The following DIP2C variants were observed in gnomAD, a reference collection of about 807,000 sequenced individuals.
The protein encoded by DIP2C is disco-interacting protein 2 homolog C.
Under a neutral mutation model 192.4 loss-of-function variants are expected in DIP2C, and 33 were observed. The observed-to-expected ratio is 0.17, with a 90% CI of 0.13 to 0.23. The LOEUF is 0.23. DIP2C is among the 10% of genes least tolerant of loss of function. DIP2C has a pLI of 1.00. For missense variants in DIP2C, 1,537 were observed against 2,110.1 expected (o/e 0.73, Z 5.32); for synonymous variants, 979 against 864.1 (o/e 1.13, Z -2.33).
intron 32 of DIP2C, among the ~76,000 whole-genome samples, chr10:297,689 G>C (rs995374391): frequency 6.6e-6 from 1 of 152,206 alleles, no homozygotes; most frequent in Non-Finnish European, 1.5e-5. Context: ...GATGGGGAGA[G>C]ATTTGTTAAA....
chr10:661,734 C>T (rs904908326), intron 1 of DIP2C, among the ~76,000 whole-genome samples: 1 of 152,194 alleles, frequency 6.6e-6, no homozygotes, highest in African/African-American at 2.4e-5. Flanking sequence ...GCTCCTTGAC[C>T]TGCACTTCTA....
At chr10:625,934 A>C (rs1288256442) in intron 1 of DIP2C, among the ~76,000 whole-genome samples, 3 of 152,252 alleles carry the variant, frequency 2.0e-5, no homozygotes, top group Non-Finnish European at 4.4e-5. Context: ...AAATTTCACC[A>C]AATGTTGTGT....
At chr10:387,849 A>G in intron 13 of DIP2C, 40 bp from the exon 14 acceptor site, 1 of 1,605,948 alleles carries the variant, frequency 6.2e-7, no homozygotes, top group Non-Finnish European at 8.5e-7. Context: ...TACTTAGGAC[A>G]GGGCGGCAAC....
chr10:384,403 A>C lies in DIP2C; in HGVS notation c.1756+143T>G. The stretch of plus-strand genomic sequence containing the variant: ...TAGGCATGCGCCATCAGGCCTGGCT[A>C]ATTTTTGTATTATTAGTAGAAACGG... On this transcript the variant is annotated intron_variant, in intron 15 of 36. Transcript: ENST00000280886. 3 of 914,618 alleles carry C rather than the reference A, an allele frequency of 3.3e-6. 1 individual carries two copies. In the South Asian group the frequency reaches 5.0e-5, roughly 15 times the overall value. The allele number at this position is 914,618 out of a possible 1,614,324, so 56.7% of individuals were successfully genotyped here.
At chr10:350,567 G>C (rs576770822) in intron 24 of DIP2C, among the ~76,000 whole-genome samples, 36 of 151,254 alleles carry the variant, frequency 2.4e-4, no homozygotes, top group Admixed American at 1.5e-3. Context: ...TGGGCAACTG[G>C]ACTGCAGTCC....
intron 4 of DIP2C, among the ~76,000 whole-genome samples, chr10:428,404 A>G (rs1389346094): frequency 6.6e-6 from 1 of 152,178 alleles, no homozygotes; most frequent in Non-Finnish European, 1.5e-5. Flanking sequence ...GTGTTTATAA[A>G]GGAGATTTTC....
At chr10:385,303 G>T (rs926511223) in intron 14 of DIP2C, among the ~76,000 whole-genome samples, 2 of 152,168 alleles carry the variant, frequency 1.3e-5, no homozygotes, top group African/African-American at 4.8e-5. Context: ...GGGTCTGGGT[G>T]TAATCCTTTA....
chr10:544,169 G>A (rs1300564887), intron 1 of DIP2C, among the ~76,000 whole-genome samples: 7 of 151,102 alleles, frequency 4.6e-5, no homozygotes, highest in Non-Finnish European at 1.0e-4. Context: ...CTTTGGTGCC[G>A]GCATCTTTCC....
intron 1 of DIP2C, among the ~76,000 whole-genome samples, chr10:608,114 C>CCCCAA (rs1852638990): frequency 7.8e-6 from 1 of 128,918 alleles, no homozygotes; most frequent in African/African-American, 3.6e-5. Flanking sequence ...AACACACACA[C>CCCCAA]CACACACACA....
intron 32 of DIP2C, among the ~76,000 whole-genome samples, chr10:292,224 C>T (rs1391895119): frequency 6.6e-6 from 1 of 152,234 alleles, no homozygotes; most frequent in Non-Finnish European, 1.5e-5. Flanking sequence ...CCCAAATCGG[C>T]TCCACGAACC....
intron 10 of DIP2C, among the ~76,000 whole-genome samples, chr10:397,327 C>T (rs564207263): frequency 6.6e-6 from 1 of 152,136 alleles, no homozygotes; most frequent in Non-Finnish European, 1.5e-5. Context: ...GTCAGGAGTT[C>T]GAGACCAGCC....
chr10:597,545 T>G (rs1851786861), intron 1 of DIP2C, among the ~76,000 whole-genome samples: 1 of 152,256 alleles, frequency 6.6e-6, no homozygotes, highest in African/African-American at 2.4e-5. Context: ...GCAGCAGGGC[T>G]GGGCAGGAGT....
intron 1 of DIP2C, among the ~76,000 whole-genome samples, chr10:684,887 C>G (rs1332470653): frequency 6.6e-6 from 1 of 152,056 alleles, no homozygotes; most frequent in East Asian, 1.9e-4. Context: ...AATCCCAACA[C>G]TTTGGGAGGC....
intron 1 of DIP2C, among the ~76,000 whole-genome samples, chr10:496,890 C>T (rs1297129746): frequency 6.6e-6 from 1 of 152,168 alleles, no homozygotes; most frequent in South Asian, 2.1e-4. Flanking sequence ...TATGGAAGGC[C>T]GAGGCGGGCA....
At chr10:535,018 G>A (rs1162521116) in intron 1 of DIP2C, among the ~76,000 whole-genome samples, 1 of 152,176 alleles carries the variant, frequency 6.6e-6, no homozygotes, top group African/African-American at 2.4e-5. Context: ...AGAGCTCGGT[G>A]TACACAACAG....
At chr10:425,707 A>G (rs1217037864) in intron 4 of DIP2C, among the ~76,000 whole-genome samples, 1 of 152,198 alleles carries the variant, frequency 6.6e-6, no homozygotes, top group Non-Finnish European at 1.5e-5. Flanking sequence ...AGTAAATACC[A>G]GAGCGACAGG....
At chr10:650,932 C>T (rs1267148470) in intron 1 of DIP2C, 6 of 716,270 alleles carry the variant, frequency 8.4e-6, no homozygotes, top group Non-Finnish European at 1.6e-5. Context: ...TGCAGGACCC[C>T]GAGGCTACAC....
chr10:392,550 G>T (rs1363949177), intron 10 of DIP2C, among the ~76,000 whole-genome samples: 2 of 152,282 alleles, frequency 1.3e-5, no homozygotes, highest in African/African-American at 4.8e-5. Context: ...CTGCTCCTCC[G>T]CACGTGTAGA....
At chr10:365,359 C>A (rs1315919462) in intron 19 of DIP2C, among the ~76,000 whole-genome samples, 2 of 152,104 alleles carry the variant, frequency 1.3e-5, no homozygotes, top group African/African-American at 4.8e-5. Flanking sequence ...AGCATGAGAC[C>A]CCATATGTAC....
Sources: gnomAD v4.1 joint callset for allele counts (sites outside exome capture counted in the v4.1 genomes callset) on GRCh38, gnomAD v4.1.1 for gene constraint, MANE v1.5 for transcripts, NCBI Gene and HGNC (gene_info 2026-07-23, HGNC 2026-07-21) for gene names.